FLT3LG: variants seen among roughly 807,000 people sequenced by gnomAD.
FLT3LG encodes the protein fms-related tyrosine kinase 3 ligand.
FLT3LG carries 8 observed loss-of-function variants against 30.9 expected under a neutral mutation model. The ratio of observed to expected loss-of-function variants is 0.26; its 90% CI spans 0.15 to 0.47. FLT3LG has a LOEUF of 0.47. FLT3LG is among the 20% of genes least tolerant of loss of function. The pLI, the probability that FLT3LG is intolerant of heterozygous loss-of-function variation, is 0.99. For synonymous variants in FLT3LG, 123 were observed against 135.9 expected (o/e 0.91, Z 0.66); for missense variants, 278 against 306.2 (o/e 0.91, Z 0.69).
Position 49,476,078 on chromosome 19 carries a change from C to A in FLT3LG, c.145-67C>A. 1 of 1,568,318 alleles carries A rather than the reference C, an allele frequency of 6.4e-7. No individual in the cohort carries two copies. The highest frequency in any genetic ancestry group is 1.1e-5 in the South Asian group (1 of 90,196). Reference sequence around the variant, plus strand: ...CTCTCTCTCTGGATCTCTGCTGCCACCTCTGGGTCCCCACAGTTCTGTTTC... The same window carrying A: ...CTCTCTCTCTGGATCTCTGCTGCCAACTCTGGGTCCCCACAGTTCTGTTTC... On this transcript the variant is annotated intron_variant, in intron 3 of 8. Transcript: ENST00000597551. This position sits in a 1 kb window ranked among gnomAD's most constrained non-coding sequence, Gnocchi z 5.3.
intron 6 of FLT3LG, 89 bp from the exon 7 acceptor site, chr19:49,480,209 A>G: frequency 1.1e-6 from 1 of 947,652 alleles, no homozygotes; most frequent in South Asian, 1.7e-5. Flanking sequence ...AGCCCATCCA[A>G]GGTCACACAG....
At chr19:49,477,395 G>A (rs2079430768) in intron 5 of FLT3LG, among the ~76,000 whole-genome samples, 1 of 152,022 alleles carries the variant, frequency 6.6e-6, no homozygotes, top group African/African-American at 2.4e-5. Context: ...GATGAGCTAT[G>A]ATTGGGCCAC....
At chr19:49,480,720 G>C (rs2122545737) in intron 8 of FLT3LG, 100 bp downstream of exon 8, 1 of 1,268,656 alleles carries the variant, frequency 7.9e-7, no homozygotes, top group East Asian at 2.5e-5. Context: ...AGGGGCAGGG[G>C]CAGCTCTAGG....
In FLT3LG at chr19:49,480,560, C is replaced by T. The variant is rs374435257; in HGVS notation, c.669C>T (p.Pro223=). ...RTPRPGEQVP[P]VPSPQDLLLV... ...CACTTTGGGGCCCACAGGTGCCCCC[C>T]GTCCCCAGTCCCCAGGACCTGCTGC... is the stretch of plus-strand genomic sequence containing the variant. Residue 223 remains proline (P), a synonymous_variant, in exon 8 of 9, where the codon CCC becomes CCT. Coordinates refer to ENST00000597551, the MANE Select transcript of FLT3LG (RefSeq NM_001459.4). 6.2e-6 allele frequency: 10 copies of T among 1,613,026 alleles called. No individual in the cohort carries two copies. Among genetic ancestry groups the T allele is most frequent in the African/African-American group, 5.3e-5 (4 of 74,908 alleles).
intron 8 of FLT3LG, among the ~76,000 whole-genome samples, chr19:49,484,085 A>G (rs2079711719): frequency 6.7e-6 from 1 of 149,226 alleles, no homozygotes. Flanking sequence ...GGGTTTCACT[A>G]TGTTTGCCAG....
At chr19:49,480,667 T>C (rs2079573640) in intron 8 of FLT3LG, 47 bp downstream of exon 8, 5 of 1,553,360 alleles carry the variant, frequency 3.2e-6, no homozygotes, top group Non-Finnish European at 4.4e-6. Flanking sequence ...GTCTGCAGGT[T>C]GGGAGGGTCA....
In FLT3LG at chr19:49,481,183, A is replaced by T. The variant is rs190463066; in HGVS notation, c.*21+563A>T. ...GATGGAGTGGAGTGGATGGGCAGAG[A>T]GTCAGGGGTCAGAGATCAGGAGGGA... On this transcript the variant is annotated intron_variant, in intron 8 of 8. Transcript: ENST00000597551. The T allele has an allele frequency of 2.6e-3, 403 of 154,800 alleles. 1 individual carries two copies. The highest frequency in any genetic ancestry group is 8.9e-3 in the African/African-American group (371 of 41,564). The allele number at this position is 154,800 out of a possible 1,614,324, so 9.6% of individuals were successfully genotyped here. A position where few individuals can be genotyped will look rare whatever the true frequency, so the allele number is the denominator to read the frequency against.
At chr19:49,480,666 T>G in intron 8 of FLT3LG, 46 bp downstream of exon 8, 1 of 1,554,598 alleles carries the variant, frequency 6.4e-7, no homozygotes, top group Non-Finnish European at 8.7e-7. Flanking sequence ...TGTCTGCAGG[T>G]TGGGAGGGTC....
chr19:49,484,162 C>G (rs1484187465), intron 8 of FLT3LG, among the ~76,000 whole-genome samples: 2 of 148,270 alleles, frequency 1.3e-5, no homozygotes, highest in African/African-American at 2.5e-5. Context: ...GGATTATAGG[C>G]GTGAGCCACC....
intron 6 of FLT3LG, 56 bp downstream of exon 6, chr19:49,479,103 C>A: frequency 1.3e-6 from 2 of 1,517,754 alleles, no homozygotes; most frequent in South Asian, 1.3e-5. Flanking sequence ...GGCCGCTCCT[C>A]CTCTCTGCAC....
rs778918572 is a variant in FLT3LG, at chr19:49,480,554, G to GC, written c.669dup (p.Val224ArgfsTer83). 1.6e-5 allele frequency: 25 copies of GC among 1,612,824 alleles called. No individual in the cohort carries two copies. The highest frequency in any genetic ancestry group is 2.1e-5 in the Non-Finnish European group (25 of 1,179,578). On this transcript the variant is annotated frameshift_variant, in exon 8 of 9. Transcript: ENST00000597551. LOFTEE classifies it high-confidence loss of function. ...GGCTGACACTTTGGGGCCCACAGGT[G>GC]CCCCCCGTCCCCAGTCCCCAGGACC...
intron 6 of FLT3LG, 54 bp downstream of exon 6, chr19:49,479,101 C>T: frequency 6.5e-7 from 1 of 1,541,350 alleles, no homozygotes; most frequent in Non-Finnish European, 8.8e-7. Flanking sequence ...ACGGCCGCTC[C>T]TCCTCTCTGC....
At chr19:49,474,407 A>G (rs2122459162) in intron 1 of FLT3LG, 126 bp downstream of exon 1, 1 of 597,366 alleles carries the variant, frequency 1.7e-6, no homozygotes, top group East Asian at 2.8e-5. Context: ...GGTTCTGGGG[A>G]CCAGACGTCG....
In FLT3LG at chr19:49,476,753, G is replaced by C; in HGVS notation, c.342+187G>C. 2.8e-6 allele frequency: 2 copies of C among 725,736 alleles called. No individual in the cohort carries two copies. The highest frequency in any genetic ancestry group is 4.4e-6 in the Non-Finnish European group (2 of 454,788). The allele number at this position is 725,736 out of a possible 1,614,324, so 45.0% of individuals were successfully genotyped here. ...CGTCCCCAGGCACCGGTGATGGGGA[G>C]CAGTCTGGTCCCATTCTGGGGCCCC... On this transcript the variant is annotated intron_variant, in intron 5 of 8. Coordinates refer to ENST00000597551, the MANE Select transcript of FLT3LG (RefSeq NM_001459.4). This position sits in a 1 kb window ranked among gnomAD's most constrained non-coding sequence, Gnocchi z 5.3.
chr19:49,477,992 G>A (rs758092609), intron 5 of FLT3LG, among the ~76,000 whole-genome samples: 26 of 151,678 alleles, frequency 1.7e-4, no homozygotes, highest in African/African-American at 5.6e-4. Context: ...GCAGTAAGCC[G>A]AGATCGTGCC....
intron 6 of FLT3LG, chr19:49,479,864 G>A (rs1774010286): frequency 6.4e-6 from 1 of 157,192 alleles, no homozygotes. Context: ...GAGTGCAGTG[G>A]CGCAATCTTG....
At position 49,476,009 on chromosome 19, in the gene FLT3LG, G is replaced by C. The variant is rs932328610; in HGVS notation, c.145-136G>C. ...GGGTGTCATCCCTTTTTAAGGGCAA[G>C]GTTCTGTGGCTTCTTCTGGGCTCCC... is the stretch of plus-strand genomic sequence containing the variant. On this transcript the variant is annotated intron_variant, in intron 3 of 8. Transcript: ENST00000597551. The surrounding 1 kb of genome is among the most constrained non-coding windows in gnomAD (Gnocchi z 5.3). 1.2e-5 allele frequency: 13 copies of C among 1,108,708 alleles called. No individual in the cohort carries two copies. The African/African-American group carries it at 1.7e-4, about 14-fold the overall frequency. 68.7% of individuals were successfully genotyped at this position (1,108,708 alleles called of 1,614,324 possible). A position where few individuals can be genotyped will look rare whatever the true frequency, so the allele number is the denominator to read the frequency against.
At chr19:49,481,986 C>T (rs1028624271) in intron 8 of FLT3LG, 3 of 151,848 alleles carry the variant, frequency 2.0e-5, no homozygotes. Context: ...AGCCACTGTT[C>T]CTGGCCCATG....
rs2079404530 is a variant in FLT3LG at position 49,476,648 on chromosome 19, T to C, written c.342+82T>C. On this transcript the variant is annotated intron_variant, in intron 5 of 8. Coordinates refer to ENST00000597551, the MANE Select transcript of FLT3LG (RefSeq NM_001459.4). The surrounding 1 kb of genome is among the most constrained non-coding windows in gnomAD (Gnocchi z 5.3). ...GAAGTAAAGCTCCACTAGGCCTTAT[T>C]GGCGATTTGGACCATAGCCACCCAA... The C allele has an allele frequency of 2.5e-6, 4 of 1,583,026 alleles. No homozygotes were observed. Among genetic ancestry groups the C allele is most frequent in the African/African-American group, 1.4e-5 (1 of 73,922 alleles).
Sources: allele counts gnomAD v4.1 joint callset (sites outside exome capture counted in the v4.1 genomes callset), GRCh38; gene constraint gnomAD v4.1.1; non-coding constraint Gnocchi (gnomAD v3.1); transcripts MANE v1.5; gene names NCBI Gene and HGNC (gene_info 2026-07-23, HGNC 2026-07-21).